Variants in KLF12 observed in about 807,000 individuals in gnomAD.
KLF12 encodes Krueppel-like factor 12.
In KLF12, 9 loss-of-function variants were observed where a neutral mutation model predicts 37.8. The observed-to-expected ratio is 0.24, with a 90% CI of 0.14 to 0.42. KLF12 has a LOEUF of 0.42. Ranked by LOEUF, KLF12 falls within the 10% of genes least tolerant of loss-of-function variation. The pLI is 1.00. For missense variants in KLF12, 411 were observed against 516.0 expected, an observed-to-expected ratio of 0.80 and a Z score of 1.97; for synonymous variants, 208 against 202.1, an observed-to-expected ratio of 1.03 and a Z score of -0.25.
chr13:73,966,993 A>T (rs531949027), intron 2 of KLF12, among the ~76,000 whole-genome samples: 1 of 152,332 alleles, frequency 6.6e-6, no homozygotes, highest in South Asian at 2.1e-4. Flanking sequence ...AATAGTAACC[A>T]AAATGACTTC....
At chr13:73,965,113 C>T (rs1236285639) in intron 2 of KLF12, among the ~76,000 whole-genome samples, 1 of 151,986 alleles carries the variant, frequency 6.6e-6, no homozygotes, top group Non-Finnish European at 1.5e-5. Flanking sequence ...AGTGTGACTC[C>T]AGATACCATA....
chr13:73,872,461 CAGA>C (rs1886516338), intron 3 of KLF12, among the ~76,000 whole-genome samples: 2 of 152,148 alleles, frequency 1.3e-5, no homozygotes, highest in Non-Finnish European at 2.9e-5. Flanking sequence ...TATCTGAGGG[CAGA>C]ATGTAAGGTG....
chr13:73,702,027 CAA>C (rs1367774877), intron 7 of KLF12, among the ~76,000 whole-genome samples: 1 of 151,344 alleles, frequency 6.6e-6, no homozygotes, highest in Non-Finnish European at 1.5e-5. Context: ...CACACACACA[CAA>C]AAAAAGGGTG....
In KLF12 at chr13:73,687,553, A is replaced by G. The variant is rs1188339988; in HGVS notation, c.*7937T>C. ...AAAACTAGAACACAAGTAGGGCAAAAGCACTTTTTATGATTTTTTTTTTTG... is the reference window on the plus strand; with the variant it reads ...AAAACTAGAACACAAGTAGGGCAAAGGCACTTTTTATGATTTTTTTTTTTG... On this transcript the variant is annotated 3_prime_UTR_variant, in exon 8 of 8. Transcript: ENST00000377669. 1 of 152,152 alleles carries G rather than the reference A, an allele frequency of 6.6e-6. No individual in the cohort carries two copies. Among genetic ancestry groups the G allele is most frequent in the Non-Finnish European group, 1.5e-5 (1 of 68,030 alleles). 9.4% of individuals were successfully genotyped at this position (152,152 alleles called of 1,614,324 possible). A position where few individuals can be genotyped will look rare whatever the true frequency, so the allele number is the denominator to read the frequency against.
chr13:73,700,230 G>A (rs903409925), intron 7 of KLF12, among the ~76,000 whole-genome samples: 1 of 151,836 alleles, frequency 6.6e-6, no homozygotes, highest in Non-Finnish European at 1.5e-5. Context: ...TGGTGCTACC[G>A]CACTCTAGCC....
the KLF12 span, among the ~76,000 whole-genome samples, chr13:74,147,527 T>C: frequency 3.9e-5 from 6 of 152,178 alleles, no homozygotes; most frequent in Non-Finnish European, 8.8e-5. Context: ...ACTGAGTTTT[T>C]TCAAACTCAC....
rs960209353 is a variant in KLF12, at chr13:73,863,673, T to C, written c.124-17300A>G. ...TTATTCAATAAATTACATAGTATAC[T>C]GTAGGGTCAAATATTAGAATATGTT... On this transcript the variant is annotated intron_variant, in intron 3 of 7. Coordinates refer to ENST00000377669, the MANE Select transcript of KLF12 (RefSeq NM_007249.5). 3.3e-5 allele frequency among the ~76,000 whole-genome samples: 5 copies of C among 152,142 alleles called. No homozygotes were observed. The East Asian group carries it at 5.8e-4, about 18-fold the overall frequency.
chr13:73,719,308 C>T (rs1023391785), intron 6 of KLF12, among the ~76,000 whole-genome samples: 1 of 151,798 alleles, frequency 6.6e-6, no homozygotes. Context: ...TGCAAGTGGA[C>T]GACAACCGTG....
chr13:74,234,508 C>T, the KLF12 span, among the ~76,000 whole-genome samples: 1 of 152,162 alleles, frequency 6.6e-6, no homozygotes, highest in Non-Finnish European at 1.5e-5. Flanking sequence ...ACACACTGTA[C>T]CTGTCCAATA....
intron 4 of KLF12, among the ~76,000 whole-genome samples, chr13:73,823,019 AC>A (rs1197181303): frequency 6.6e-6 from 1 of 152,230 alleles, no homozygotes; most frequent in Non-Finnish European, 1.5e-5. Context: ...TGTGGTACAC[AC>A]ATATGGAGAA....
chr13:74,110,547 T>C (rs1429880224), intron 1 of KLF12, among the ~76,000 whole-genome samples: 4 of 152,102 alleles, frequency 2.6e-5, no homozygotes, highest in African/African-American at 9.7e-5. Context: ...TTCTACAGAG[T>C]TTTTCTGTAA....
chr13:74,106,287 T>G (rs1453284630), intron 1 of KLF12, among the ~76,000 whole-genome samples: 1 of 152,228 alleles, frequency 6.6e-6, no homozygotes, highest in Non-Finnish European at 1.5e-5. Context: ...ATTTTTTAAC[T>G]GGATATCTTA....
At chr13:74,218,891 C>A in the KLF12 span, among the ~76,000 whole-genome samples, 11 of 151,718 alleles carry the variant, frequency 7.3e-5, no homozygotes, top group Non-Finnish European at 1.3e-4. Flanking sequence ...CCCCTTATAC[C>A]ACACCCCAGG....
chr13:73,856,853 G>A (rs2138767782), intron 3 of KLF12, among the ~76,000 whole-genome samples: 1 of 152,088 alleles, frequency 6.6e-6, no homozygotes, highest in African/African-American at 2.4e-5. Context: ...TGGGTGTGGT[G>A]GCGTTTGCCT....
intron 1 of KLF12, among the ~76,000 whole-genome samples, chr13:74,100,917 A>G (rs1376156964): frequency 5.3e-5 from 8 of 152,138 alleles, no homozygotes; most frequent in Non-Finnish European, 1.0e-4. Flanking sequence ...TCATCTGAGA[A>G]AAGTTCTTTC....
intron 3 of KLF12, among the ~76,000 whole-genome samples, chr13:73,864,546 T>C (rs937414761): frequency 6.6e-6 from 1 of 152,118 alleles, no homozygotes; most frequent in Non-Finnish European, 1.5e-5. Flanking sequence ...GATGCATATT[T>C]ATAAAAGACT....
At chr13:74,256,607 C>T in the KLF12 span, among the ~76,000 whole-genome samples, 1 of 152,018 alleles carries the variant, frequency 6.6e-6, no homozygotes, top group Non-Finnish European at 1.5e-5. Flanking sequence ...CACTTCAACA[C>T]ATTGGTGGTG....
intron 1 of KLF12, among the ~76,000 whole-genome samples, chr13:73,998,416 G>A (rs1327002203): frequency 6.6e-6 from 1 of 152,128 alleles, no homozygotes; most frequent in Non-Finnish European, 1.5e-5. Flanking sequence ...ACTAGCCAGG[G>A]ATTCCACTCT....
intron 3 of KLF12, among the ~76,000 whole-genome samples, chr13:73,905,389 T>C (rs551724502): frequency 6.6e-6 from 1 of 152,076 alleles, no homozygotes; most frequent in African/African-American, 2.4e-5. Context: ...TCATGGATAA[T>C]CACTGCTAAA....
Sources: gnomAD v4.1 joint callset for allele counts (sites outside exome capture counted in the v4.1 genomes callset) on GRCh38, gnomAD v4.1.1 for gene constraint, MANE v1.5 for transcripts, NCBI Gene and HGNC (gene_info 2026-07-23, HGNC 2026-07-21) for gene names.